CDHR3: variants seen among roughly 807,000 people sequenced by gnomAD.
CDHR3 encodes cadherin related family member 3.
In CDHR3, 79 loss-of-function variants were observed where a neutral mutation model predicts 86.6. The ratio of observed to expected loss-of-function variants is 0.91; its 90% CI spans 0.76 to 1.10. CDHR3 has a LOEUF of 1.10. Ranked by LOEUF, CDHR3 falls within the 50% of genes least tolerant of loss-of-function variation. The pLI, the probability that CDHR3 is intolerant of heterozygous loss-of-function variation, is 0.00. For synonymous variants in CDHR3, 421 were observed against 402.4 expected (o/e 1.05, Z -0.55); for missense variants, 1,081 against 1,077.6 (o/e 1.00, Z -0.04).
chr7:106,016,082 G>A, intron 11 of CDHR3, 57 bp downstream of exon 11: 4 of 1,186,730 alleles, frequency 3.4e-6, no homozygotes, highest in East Asian at 2.4e-5. Context: ...ATCCAAACGT[G>A]TGTTCTGTGG....
At chr7:105,999,737 A>G (rs940254059) in intron 6 of CDHR3, among the ~76,000 whole-genome samples, 1 of 151,972 alleles carries the variant, frequency 6.6e-6, no homozygotes, top group African/African-American at 2.4e-5. Flanking sequence ...CTTCCGAAAC[A>G]TTAAAGTCTA....
At position 105,964,368 on chromosome 7, in the gene CDHR3, G is replaced by A. The variant is rs141149195; in HGVS notation, c.46+1004G>A. Among the ~76,000 whole-genome samples the A allele has an allele frequency of 1.2e-3, 189 of 152,056 alleles. 1 individual carries two copies. Among genetic ancestry groups the A allele is most frequent in the African/African-American group, 4.3e-3 (180 of 41,522 alleles). On this transcript the variant is annotated intron_variant, in intron 1 of 18. Transcript: ENST00000317716. ...AACAAATTATCTTATTATTTGGCAT[G>A]GTTTTTCAGGTGATTCTCATGAATT...
intron 6 of CDHR3, among the ~76,000 whole-genome samples, chr7:105,999,093 C>A (rs922982577): frequency 6.6e-6 from 1 of 152,156 alleles, no homozygotes; most frequent in Admixed American, 6.5e-5. Context: ...TCAGGTGTTA[C>A]GGGGAAGAAG....
intron 4 of CDHR3, among the ~76,000 whole-genome samples, chr7:105,986,482 A>G (rs1234619315): frequency 6.6e-6 from 1 of 152,196 alleles, no homozygotes; most frequent in African/African-American, 2.4e-5. Flanking sequence ...TACAGCTGAC[A>G]CTCCTATAAC....
intron 4 of CDHR3, among the ~76,000 whole-genome samples, chr7:105,986,784 T>G (rs1317779249): frequency 6.6e-6 from 1 of 152,118 alleles, no homozygotes; most frequent in African/African-American, 2.4e-5. Context: ...ATGACCTACT[T>G]TTAGGGGTGG....
chr7:105,980,862 C>T (rs368502545), intron 2 of CDHR3, 106 bp from the exon 3 acceptor site: 21 of 1,053,650 alleles, frequency 2.0e-5, no homozygotes, highest in East Asian at 5.2e-5. Flanking sequence ...TGCTGGTTTC[C>T]GGGATGCCAG....
intron 7 of CDHR3, among the ~76,000 whole-genome samples, chr7:106,004,161 C>T (rs965203232): frequency 7.9e-5 from 12 of 152,184 alleles, no homozygotes; most frequent in African/African-American, 2.9e-4. Context: ...ACTGATCCTC[C>T]AATGTGTGCC....
chr7:106,009,597 G>A (rs1045746131), intron 8 of CDHR3, among the ~76,000 whole-genome samples: 7 of 152,196 alleles, frequency 4.6e-5, no homozygotes, highest in Non-Finnish European at 1.0e-4. Flanking sequence ...AGGTCAGCGC[G>A]GCTGCTGGAG....
chr7:106,020,290 T>C (rs1420769211), intron 12 of CDHR3, 83 bp from the exon 13 acceptor site: 45 of 1,182,036 alleles, frequency 3.8e-5, no homozygotes, highest in Non-Finnish European at 2.4e-6. Context: ...TTATGAAAAG[T>C]GCTTAGCCTG....
intron 12 of CDHR3, among the ~76,000 whole-genome samples, chr7:106,018,770 G>A (rs1563295528): frequency 6.6e-6 from 1 of 152,060 alleles, no homozygotes; most frequent in South Asian, 2.1e-4. Context: ...GTTATGCCGT[G>A]TTCCTACCCT....
In CDHR3 at chr7:105,974,870, T is replaced by C. The variant is rs747617665; in HGVS notation, c.73T>C (p.Leu25=). ...SGGEALHLIL[L]PATGNVAENS... ...GGGAGAAGCACTACACCTAATCCTC[T>C]TACCTGCTACAGGCAATGTGGCAGA... Residue 25 remains leucine (L), a synonymous_variant, in exon 2 of 19, where the codon TTA becomes CTA. Coordinates refer to ENST00000317716, the MANE Select transcript of CDHR3 (RefSeq NM_152750.5). The C allele has an allele frequency of 1.2e-5, 20 of 1,613,468 alleles. No individual in the cohort carries two copies. In the South Asian group the frequency reaches 1.8e-4, roughly 14 times the overall value.
chr7:106,008,326 G>C (rs1212969101), intron 8 of CDHR3, among the ~76,000 whole-genome samples: 1 of 152,128 alleles, frequency 6.6e-6, no homozygotes, highest in Non-Finnish European at 1.5e-5. Context: ...TCCCTTCCCT[G>C]CCTGAAGATC....
chr7:105,975,141 A>C, intron 2 of CDHR3, 95 bp downstream of exon 2: 2 of 1,026,046 alleles, frequency 1.9e-6, no homozygotes, highest in Non-Finnish European at 3.0e-6. Context: ...TAATTCCTCC[A>C]TCTGGTTTAA....
Position 106,032,466 on chromosome 7 carries a change from A to G in CDHR3, c.2427A>G (p.Pro809=), listed in dbSNP as rs762583292. ...GGAAAGATCCACTAACCCAAATGCC[A>G]AAATGGAAAGAGTCCAGCCACCAGG... ...RKWKDPLTQM[P]KWKESSHQGA... The change falls in exon 19 of 19, where the codon CCA becomes CCG. Residue 809 remains proline (P), a synonymous_variant. Coordinates refer to ENST00000317716, the MANE Select transcript of CDHR3 (RefSeq NM_152750.5). 4.3e-6 allele frequency: 7 copies of G among 1,613,872 alleles called. No individual in the cohort carries two copies. The Admixed American group carries it at 8.3e-5, about 19-fold the overall frequency.
intron 5 of CDHR3, 38 bp downstream of exon 5, chr7:105,994,883 T>C (rs749035308): frequency 6.6e-7 from 1 of 1,509,646 alleles, no homozygotes; most frequent in Non-Finnish European, 9.1e-7. Context: ...GTACTGTTTA[T>C]CTGAGGGTCA....
chr7:105,975,953 G>T (rs754524411), intron 2 of CDHR3, among the ~76,000 whole-genome samples: 4 of 152,174 alleles, frequency 2.6e-5, no homozygotes, highest in Non-Finnish European at 5.9e-5. Context: ...GCATATTGGG[G>T]CCCTGTAGCA....
chr7:106,013,676 A>G lies in CDHR3; in HGVS notation c.1224+645A>G, dbSNP rs532068564. On this transcript the variant is annotated intron_variant, in intron 9 of 18. Coordinates refer to ENST00000317716, the MANE Select transcript of CDHR3 (RefSeq NM_152750.5). ...CAGGGAGGGAAGCCAGCAACCCGCT[A>G]CCCTTCCCCTCACCCAGCTTTCTTC... Among the ~76,000 whole-genome samples the G allele has an allele frequency of 2.6e-5, 4 of 152,056 alleles. No individual in the cohort carries two copies. The South Asian group carries it at 8.3e-4, about 32-fold the overall frequency.
intron 17 of CDHR3, among the ~76,000 whole-genome samples, chr7:106,028,890 TGCTTCA>T: frequency 6.6e-6 from 1 of 152,078 alleles, no homozygotes; most frequent in East Asian, 1.9e-4. Flanking sequence ...CCAAAACTAG[TGCTTCA>T]GCCTCCAGTG....
chr7:106,032,624 A>T lies in CDHR3; in HGVS notation c.2585A>T (p.Lys862Met), dbSNP rs1486110027. 2 of 1,613,764 alleles carry T rather than the reference A, an allele frequency of 1.2e-6. No homozygotes were observed. The highest frequency in any genetic ancestry group is 2.2e-5 in the South Asian group (2 of 91,050). The change falls in exon 19 of 19, where the codon AAG (lysine) becomes ATG (methionine). Residue 862 changes from lysine to methionine, a missense_variant. Coordinates refer to ENST00000317716, the MANE Select transcript of CDHR3 (RefSeq NM_152750.5). ...AGLGSRNEGGKLGNPKNRNPA... is the reference protein window; with the variant it reads ...AGLGSRNEGGMLGNPKNRNPA... ...CTGGGTTCCAGAAATGAGGGTGGCA[A>T]GCTGGGCAACCCAAAGAACAGAAAT...
Sources: allele counts gnomAD v4.1 joint callset (sites outside exome capture counted in the v4.1 genomes callset), GRCh38; gene constraint gnomAD v4.1.1; transcripts MANE v1.5; gene names NCBI Gene and HGNC (gene_info 2026-07-23, HGNC 2026-07-21).